The following GLIS3 variants were observed in gnomAD, a reference collection of about 807,000 sequenced individuals.
GLIS3 encodes GLIS family zinc finger 3.
Under a neutral mutation model 78.6 loss-of-function variants are expected in GLIS3, and 53 were observed. The ratio of observed to expected loss-of-function variants is 0.67; its 90% CI spans 0.54 to 0.85. GLIS3 has a LOEUF of 0.85. Among genes scored for constraint, GLIS3 ranks in the 40% least tolerant of loss-of-function variants. GLIS3 has a pLI of 0.00. For missense variants in GLIS3, 1,703 were observed against 1,231.1 expected (o/e 1.38, Z -5.74); for synonymous variants, 684 against 509.9 (o/e 1.34, Z -4.60).
At chr9:4,054,268 A>T (rs187810504) in intron 4 of GLIS3, 1 of 876,302 alleles carries the variant, frequency 1.1e-6, no homozygotes, top group African/African-American at 1.8e-5. Context: ...TCACTGCTCT[A>T]TTCTCAGCAC....
chr9:4,472,718 G>A, the GLIS3 span, among the ~76,000 whole-genome samples: 10 of 151,964 alleles, frequency 6.6e-5, no homozygotes, highest in Non-Finnish European at 1.2e-4. Context: ...TAACAAACCT[G>A]CACGTTGTGC....
chr9:4,155,843 G>A (rs1182641333), intron 2 of GLIS3, among the ~76,000 whole-genome samples: 1 of 152,178 alleles, frequency 6.6e-6, no homozygotes, highest in Admixed American at 6.5e-5. Context: ...GTTCCTGGGT[G>A]ATGCTGATAC....
chr9:4,480,193 G>A, the GLIS3 span, among the ~76,000 whole-genome samples: 1 of 147,398 alleles, frequency 6.8e-6, no homozygotes. Context: ...TTTCCAGGCT[G>A]GGCTTTCTTT....
intron 4 of GLIS3, among the ~76,000 whole-genome samples, chr9:3,979,265 A>C (rs1437888484): frequency 2.0e-5 from 3 of 151,930 alleles, no homozygotes; most frequent in Non-Finnish European, 4.4e-5. Flanking sequence ...GCTATTCATC[A>C]CTCCCCAGAA....
At chr9:4,266,266 A>C (rs568423847) in intron 2 of GLIS3, among the ~76,000 whole-genome samples, 2 of 151,764 alleles carry the variant, frequency 1.3e-5, no homozygotes, top group Admixed American at 1.3e-4. Flanking sequence ...AAAATGAGCC[A>C]CCTGGCTCAA....
chr9:4,194,701 G>A (rs984687408), intron 2 of GLIS3, among the ~76,000 whole-genome samples: 3 of 152,168 alleles, frequency 2.0e-5, no homozygotes, highest in Non-Finnish European at 4.4e-5. Flanking sequence ...ATAAAAGTGA[G>A]TGAAGCCCCA....
rs12001442 is a variant in GLIS3, at chr9:3,828,696, A to G, written c.2657-288T>C. On this transcript the variant is annotated intron_variant, in intron 10 of 10. Coordinates refer to ENST00000381971, the MANE Select transcript of GLIS3 (RefSeq NM_001042413.2). ...GTGGCCTCAAAAAGGAGCTGGTGTT[A>G]AGGTTGAGTCATGAAAGAGAATGGA... 0.14 allele frequency among the ~76,000 whole-genome samples: 21,646 copies of G among 152,242 alleles called. 1,677 individuals carry two copies. Among genetic ancestry groups the G allele is most frequent in the Non-Finnish European group, 0.16 (11,051 of 68,012 alleles).
chr9:4,382,146 T>C, the GLIS3 span, among the ~76,000 whole-genome samples: 968 of 152,326 alleles, frequency 6.4e-3, 15 homozygotes, highest in African/African-American at 0.022. Flanking sequence ...CCAAAATCTG[T>C]AGTAAATCCC....
At chr9:3,892,086 T>C (rs1822493691) in intron 7 of GLIS3, among the ~76,000 whole-genome samples, 1 of 152,138 alleles carries the variant, frequency 6.6e-6, no homozygotes, top group Non-Finnish European at 1.5e-5. Context: ...GACTAGGTGT[T>C]AGTAGAAACG....
the GLIS3 span, among the ~76,000 whole-genome samples, chr9:4,486,082 T>C: frequency 6.6e-6 from 1 of 152,222 alleles, no homozygotes; most frequent in Non-Finnish European, 1.5e-5. Context: ...TATATTGAAA[T>C]TTTTAAAATC....
chr9:4,048,291 A>G (rs1387529855), intron 4 of GLIS3, among the ~76,000 whole-genome samples: 2 of 152,220 alleles, frequency 1.3e-5, no homozygotes, highest in South Asian at 2.1e-4. Context: ...GTGAGGATCA[A>G]GAAAACATGT....
At chr9:4,241,138 T>A (rs1031969852) in intron 2 of GLIS3, among the ~76,000 whole-genome samples, 3 of 152,188 alleles carry the variant, frequency 2.0e-5, no homozygotes, top group African/African-American at 7.2e-5. Context: ...CCTGCTTCTT[T>A]GTGCACACTC....
the GLIS3 span, among the ~76,000 whole-genome samples, chr9:4,360,232 C>T: frequency 2.6e-5 from 4 of 152,110 alleles, no homozygotes; most frequent in Non-Finnish European, 5.9e-5. Context: ...GTCAGTTTAA[C>T]ATCAACGCGC....
intron 4 of GLIS3, among the ~76,000 whole-genome samples, chr9:4,093,217 T>G (rs532762658): frequency 6.6e-6 from 1 of 151,834 alleles, no homozygotes; most frequent in East Asian, 1.9e-4. Flanking sequence ...CCAGGCAGTC[T>G]GGCTCCAGAG....
At chr9:4,196,045 T>A (rs368682835) in intron 2 of GLIS3, among the ~76,000 whole-genome samples, 1 of 152,204 alleles carries the variant, frequency 6.6e-6, no homozygotes, top group South Asian at 2.1e-4. Flanking sequence ...AGAACTTTTA[T>A]GTCTAGCTAA....
At chr9:4,488,761 G>A in the GLIS3 span, among the ~76,000 whole-genome samples, 2 of 152,044 alleles carry the variant, frequency 1.3e-5, no homozygotes, top group African/African-American at 4.8e-5. Flanking sequence ...CAAGTGATCC[G>A]CCTGCCTTGG....
intron 4 of GLIS3, among the ~76,000 whole-genome samples, chr9:4,072,428 A>T (rs1215306817): frequency 6.6e-6 from 1 of 151,994 alleles, no homozygotes; most frequent in African/African-American, 2.4e-5. Flanking sequence ...TGGCAGGTCA[A>T]CTCTCCCACG....
chr9:4,353,993 ATTTT>A, the GLIS3 span, among the ~76,000 whole-genome samples: 5 of 135,750 alleles, frequency 3.7e-5, no homozygotes, highest in South Asian at 1.2e-3. Context: ...ACACCCGGCT[ATTTT>A]TTTTTTTTTT....
intron 4 of GLIS3, among the ~76,000 whole-genome samples, chr9:4,046,328 G>T (rs1184737321): frequency 1.3e-5 from 2 of 152,298 alleles, no homozygotes; most frequent in East Asian, 3.9e-4. Flanking sequence ...CACAGGCACA[G>T]TGCTGAGAAA....
Sources: allele counts gnomAD v4.1 joint callset (sites outside exome capture counted in the v4.1 genomes callset), GRCh38; gene constraint gnomAD v4.1.1; transcripts MANE v1.5; gene names NCBI Gene and HGNC (gene_info 2026-07-23, HGNC 2026-07-21).